ARHGAP32: variants seen among roughly 807,000 people sequenced by gnomAD.
ARHGAP32 encodes rho GTPase-activating protein 32.
ARHGAP32 carries 51 observed loss-of-function variants against 186.5 expected under a neutral mutation model. The observed-to-expected ratio is 0.27, with a 90% CI of 0.22 to 0.35. The LOEUF is 0.35. Among genes scored for constraint, ARHGAP32 ranks in the 10% least tolerant of loss-of-function variants. ARHGAP32 has a pLI of 1.00. For missense variants in ARHGAP32, 2,186 were observed against 2,623.5 expected, an observed-to-expected ratio of 0.83 and a Z score of 3.64; for synonymous variants, 950 against 964.3, an observed-to-expected ratio of 0.99 and a Z score of 0.27.
intron 11 of ARHGAP32, chr11:129,023,982 T>C: frequency 1.0e-6 from 1 of 985,454 alleles, no homozygotes; most frequent in Non-Finnish European, 1.2e-6. Flanking sequence ...AAATAAATCA[T>C]AATCCAACTG....
At chr11:129,199,591 G>C (rs1470202735) in intron 1 of ARHGAP32, among the ~76,000 whole-genome samples, 2 of 152,256 alleles carry the variant, frequency 1.3e-5, no homozygotes, top group Non-Finnish European at 2.9e-5. Flanking sequence ...CTGAGGTTTG[G>C]GAACCTCTAC....
chr11:129,221,479 CTGTGTGTGTGTGTGTGTGTGTGTGTG>C (rs537808170), intron 1 of ARHGAP32, among the ~76,000 whole-genome samples: 33 of 121,280 alleles, frequency 2.7e-4, no homozygotes, highest in East Asian at 5.1e-4. Flanking sequence ...ATTGTCATTA[CTGTGTGTGTGTGTGTGTGTGTGTGTG>C]TGTGTGTGTG....
chr11:129,191,668 ACG>A (rs763653053), intron 1 of ARHGAP32, among the ~76,000 whole-genome samples: 4 of 75,418 alleles, frequency 5.3e-5, no homozygotes, highest in African/African-American at 1.5e-4. Context: ...GCAGGCAGGC[ACG>A]CACACACACA....
intron 1 of ARHGAP32, among the ~76,000 whole-genome samples, chr11:129,257,387 T>TA (rs1292506823): frequency 6.6e-6 from 1 of 152,128 alleles, no homozygotes; most frequent in African/African-American, 2.4e-5. Context: ...TCAGGTACTA[T>TA]AAAAGGCAGG....
At chr11:128,989,114 C>CAGTA (rs1945963161) in intron 12 of ARHGAP32, among the ~76,000 whole-genome samples, 1 of 152,092 alleles carries the variant, frequency 6.6e-6, no homozygotes, top group African/African-American at 2.4e-5. Context: ...ATTTCATTAA[C>CAGTA]AGTATATTGT....
chr11:129,056,405 C>A lies in ARHGAP32; in HGVS notation c.963+5875G>T, dbSNP rs1166893593. Reference sequence around the variant, plus strand: ...TAGACTATAGACATGTACCACTTCGCCTGGGTCAGTTTTATAATTTTAGTA... The same window carrying A: ...TAGACTATAGACATGTACCACTTCGACTGGGTCAGTTTTATAATTTTAGTA... On this transcript the variant is annotated intron_variant, in intron 10 of 22. Coordinates refer to ENST00000682385, the MANE Select transcript of ARHGAP32 (RefSeq NM_001378024.1). Among the ~76,000 whole-genome samples, 3 of 152,110 alleles carry A rather than the reference C, an allele frequency of 2.0e-5. No homozygotes were observed. The East Asian group carries it at 5.8e-4, about 29-fold the overall frequency.
Position 128,967,862 on chromosome 11 carries a change from CAA to C in ARHGAP32, c.*1043_*1044del, listed in dbSNP as rs1295337982. Reference sequence around the variant, plus strand: ...TCGTACTCTGGTTTAGGAACAGAAACAAACATGGAAATTTATATTCATAATAA... The same window carrying C: ...TCGTACTCTGGTTTAGGAACAGAAACACATGGAAATTTATATTCATAATAA... On this transcript the variant is annotated 3_prime_UTR_variant, in exon 23 of 23. Coordinates refer to ENST00000682385, the MANE Select transcript of ARHGAP32 (RefSeq NM_001378024.1). 6.8e-6 allele frequency: 1 copy of C among 146,196 alleles called. No homozygotes were observed. The highest frequency in any genetic ancestry group is 1.5e-5 in the Non-Finnish European group (1 of 67,040). The allele number at this position is 146,196 out of a possible 1,614,324, so 9.1% of individuals were successfully genotyped here.
chr11:129,244,194 T>A (rs1030420238), intron 1 of ARHGAP32, among the ~76,000 whole-genome samples: 4 of 152,192 alleles, frequency 2.6e-5, no homozygotes, highest in African/African-American at 9.7e-5. Context: ...ATTTCCATTT[T>A]GCAGATAAGA....
chr11:129,071,853 T>C (rs1306979992), intron 6 of ARHGAP32, among the ~76,000 whole-genome samples: 1 of 152,156 alleles, frequency 6.6e-6, no homozygotes, highest in Non-Finnish European at 1.5e-5. Flanking sequence ...ACAAATGTGG[T>C]ATACGTACAC....
intron 1 of ARHGAP32, among the ~76,000 whole-genome samples, chr11:129,171,637 T>C (rs11221585): frequency 0.19 from 29,597 of 152,116 alleles, 3,077 homozygotes; most frequent in Non-Finnish European, 0.23. Context: ...TTGCTTAGGA[T>C]TGTCTTGGCT....
At chr11:129,193,497 AAAAT>A (rs1244806474), upstream of ARHGAP32, among the ~76,000 whole-genome samples, 38 of 79,912 alleles carry the variant, frequency 4.8e-4, no homozygotes, top group African/African-American at 1.6e-3. Flanking sequence ...AAAAAAAAAA[AAAAT>A]ATATATATAT....
At chr11:129,087,570 T>C (rs1336444061) in intron 6 of ARHGAP32, among the ~76,000 whole-genome samples, 3 of 152,076 alleles carry the variant, frequency 2.0e-5, no homozygotes, top group Admixed American at 6.6e-5. Context: ...AAAAGATCAG[T>C]GGTTGTCAGG....
At chr11:129,222,817 G>T (rs549442953) in intron 1 of ARHGAP32, among the ~76,000 whole-genome samples, 18 of 152,158 alleles carry the variant, frequency 1.2e-4, no homozygotes, top group Middle Eastern at 3.4e-3. Flanking sequence ...TATCACATGG[G>T]GATCTTACTA....
intron 2 of ARHGAP32, among the ~76,000 whole-genome samples, chr11:129,159,867 T>C (rs1943492554): frequency 6.6e-6 from 1 of 152,162 alleles, no homozygotes; most frequent in South Asian, 2.1e-4. Flanking sequence ...AAAAAGCTTA[T>C]CCACCACAAT....
intron 1 of ARHGAP32, among the ~76,000 whole-genome samples, chr11:129,244,780 T>G (rs1194838113): frequency 3.3e-5 from 5 of 152,094 alleles, no homozygotes; most frequent in Non-Finnish European, 7.4e-5. Flanking sequence ...CATCAAAAAG[T>G]GGGCAAAGGA....
chr11:129,272,114 T>C (rs983241208), intron 1 of ARHGAP32, among the ~76,000 whole-genome samples: 2 of 152,110 alleles, frequency 1.3e-5, no homozygotes, highest in African/African-American at 4.8e-5. Context: ...AAATTTCTGC[T>C]GCAAAAGGAA....
rs573195405 is a variant in ARHGAP32, at chr11:129,275,228, C to T, written c.-5+3918G>A. ...TGATGGTAATATAAAATATTTTAGGCATACTTTCAGGTTAGAGTTTCTAAT... is the reference window on the plus strand; with the variant it reads ...TGATGGTAATATAAAATATTTTAGGTATACTTTCAGGTTAGAGTTTCTAAT... On this transcript the variant is annotated intron_variant, in intron 1 of 6. Coordinates refer to the ARHGAP32 transcript ENST00000525234. Among the ~76,000 whole-genome samples, 91 of 152,284 alleles carry T rather than the reference C, an allele frequency of 6.0e-4. 1 individual carries two copies. Among genetic ancestry groups the T allele is most frequent in the African/African-American group, 2.2e-3 (90 of 41,550 alleles).
chr11:129,034,516 T>C (rs1040616260), intron 11 of ARHGAP32, among the ~76,000 whole-genome samples: 2 of 152,112 alleles, frequency 1.3e-5, no homozygotes, highest in African/African-American at 4.8e-5. Flanking sequence ...CCTCTTTCTT[T>C]CTTTCTGGTG....
chr11:129,044,134 A>G (rs1565393067), intron 10 of ARHGAP32, among the ~76,000 whole-genome samples: 1 of 152,142 alleles, frequency 6.6e-6, no homozygotes. Flanking sequence ...TAAGTCTGCC[A>G]CTCACTAGAT....
Sources: allele counts gnomAD v4.1 joint callset (sites outside exome capture counted in the v4.1 genomes callset), GRCh38; gene constraint gnomAD v4.1.1; transcripts MANE v1.5; gene names NCBI Gene and HGNC (gene_info 2026-07-23, HGNC 2026-07-21).